Variants in INPP4B observed in about 807,000 individuals in gnomAD.
INPP4B encodes the protein inositol polyphosphate-4-phosphatase type II B.
A neutral mutation model predicts 122.5 loss-of-function variants in INPP4B; 55 were observed. The observed-to-expected ratio is 0.45, with a 90% CI of 0.36 to 0.56. The LOEUF is 0.56. Among genes scored for constraint, INPP4B ranks in the 20% least tolerant of loss-of-function variants. INPP4B has a pLI of 0.00. For missense variants in INPP4B, 1,000 were observed against 1,097.7 expected (o/e 0.91, Z 1.26); for synonymous variants, 403 against 388.7 (o/e 1.04, Z -0.43).
intron 25 of INPP4B, among the ~76,000 whole-genome samples, chr4:142,061,881 CACACATATATATATATATATATATATAT>C (rs1351091619): frequency 1.2e-4 from 1 of 8,098 alleles, no homozygotes; most frequent in African/African-American, 2.2e-4. Flanking sequence ...CACACACACA[CACACATATATATATATATATATATATAT>C]ATATATATAT....
At chr4:142,158,315 A>C (rs373781664) in intron 17 of INPP4B, among the ~76,000 whole-genome samples, 1 of 152,042 alleles carries the variant, frequency 6.6e-6, no homozygotes, top group Non-Finnish European at 1.5e-5. Context: ...TCCCATGTAC[A>C]TCTCTAAGGC....
At chr4:142,171,739 C>T (rs1161274806) in intron 16 of INPP4B, among the ~76,000 whole-genome samples, 1 of 151,732 alleles carries the variant, frequency 6.6e-6, no homozygotes, top group African/African-American at 2.4e-5. Context: ...ATTTATTAGT[C>T]GACTAAGCTT....
chr4:142,452,767 C>T (rs1448872438), intron 3 of INPP4B, among the ~76,000 whole-genome samples: 3 of 152,082 alleles, frequency 2.0e-5, no homozygotes, highest in African/African-American at 4.8e-5. Context: ...AGGATGTTCT[C>T]AAAAAGACAA....
chr4:142,527,559 G>A (rs191474855), intron 2 of INPP4B, among the ~76,000 whole-genome samples: 115 of 152,066 alleles, frequency 7.6e-4, no homozygotes, highest in Admixed American at 1.4e-3. Flanking sequence ...TAATTATAGC[G>A]AGAATTTCAA....
chr4:142,330,518 C>G (rs1347634404), intron 7 of INPP4B, among the ~76,000 whole-genome samples: 2 of 152,176 alleles, frequency 1.3e-5, no homozygotes, highest in African/African-American at 2.4e-5. Flanking sequence ...TGCATACACA[C>G]ACGCATATGT....
At chr4:142,217,768 G>A (rs573585078) in intron 12 of INPP4B, among the ~76,000 whole-genome samples, 1 of 152,248 alleles carries the variant, frequency 6.6e-6, no homozygotes, top group Admixed American at 6.5e-5. Flanking sequence ...AAGGCCCACT[G>A]CCCTCTCTAA....
chr4:142,560,401 G>A (rs987560010), intron 2 of INPP4B: 54 of 152,296 alleles, frequency 3.5e-4, no homozygotes, highest in African/African-American at 1.3e-3. Flanking sequence ...TAGAGGGACA[G>A]AACTAATAGG....
intron 7 of INPP4B, among the ~76,000 whole-genome samples, chr4:142,324,813 C>T (rs930481812): frequency 8.5e-5 from 13 of 152,172 alleles, no homozygotes; most frequent in African/African-American, 2.4e-4. Flanking sequence ...GTTCTCCAGC[C>T]TTCTGCAAAG....
At chr4:142,593,101 T>G (rs1183227783) in intron 2 of INPP4B, among the ~76,000 whole-genome samples, 5 of 149,096 alleles carry the variant, frequency 3.4e-5, no homozygotes, top group African/African-American at 1.2e-4. Flanking sequence ...GAGATCCTGT[T>G]TTTAAAAAAA....
At chr4:142,139,340 A>C (rs2152821560) in intron 18 of INPP4B, among the ~76,000 whole-genome samples, 1 of 152,150 alleles carries the variant, frequency 6.6e-6, no homozygotes, top group South Asian at 2.1e-4. Context: ...ATAGAGTCTC[A>C]CTGTCACCCA....
rs189719705 is a variant in INPP4B at position 142,464,439 on chromosome 4, T to C, written c.-190-1713A>G. ...TAAAATTTTCTCATTCATATTATCA[T>C]ATGTCTCTCATCATTCTGTATTGTT... On this transcript the variant is annotated intron_variant, in intron 2 of 25. Transcript: ENST00000262992. 3.9e-3 allele frequency among the ~76,000 whole-genome samples: 595 copies of C among 152,220 alleles called. 1 individual carries two copies. Among genetic ancestry groups the C allele is most frequent in the Middle Eastern group, 6.8e-3 (2 of 294 alleles).
At chr4:142,781,958 C>T (rs1007319756) in intron 1 of INPP4B, among the ~76,000 whole-genome samples, 1 of 150,230 alleles carries the variant, frequency 6.7e-6, no homozygotes, top group Non-Finnish European at 1.5e-5. Context: ...TCTTGCTAAC[C>T]TTTTATTTTT....
intron 25 of INPP4B, among the ~76,000 whole-genome samples, chr4:142,069,725 A>G (rs1765864555): frequency 6.6e-6 from 1 of 152,224 alleles, no homozygotes; most frequent in South Asian, 2.1e-4. Context: ...AATAAACTAG[A>G]AAATCTAGAA....
intron 2 of INPP4B, among the ~76,000 whole-genome samples, chr4:142,659,594 G>A (rs1264820135): frequency 6.6e-6 from 1 of 152,138 alleles, no homozygotes; most frequent in Non-Finnish European, 1.5e-5. Context: ...GATGGGTGAT[G>A]TAGAAATCCT....
chr4:142,604,806 C>G (rs138419051), intron 2 of INPP4B, among the ~76,000 whole-genome samples: 374 of 152,064 alleles, frequency 2.5e-3, no homozygotes, highest in African/African-American at 8.3e-3. Flanking sequence ...AAGCCATCTA[C>G]AAATTCAATG....
chr4:142,227,492 A>C (rs2149791369), intron 12 of INPP4B, among the ~76,000 whole-genome samples: 1 of 152,334 alleles, frequency 6.6e-6, no homozygotes, highest in Non-Finnish European at 1.5e-5. Flanking sequence ...GATAATTTTA[A>C]GTTAATGAAA....
At chr4:142,350,378 C>G (rs1781582285) in intron 7 of INPP4B, among the ~76,000 whole-genome samples, 1 of 151,920 alleles carries the variant, frequency 6.6e-6, no homozygotes, top group African/African-American at 2.4e-5. Flanking sequence ...TATTCAACCT[C>G]TCTCTTCTTG....
intron 25 of INPP4B, among the ~76,000 whole-genome samples, chr4:142,072,090 A>T (rs975078903): frequency 1.3e-4 from 20 of 152,192 alleles, no homozygotes; most frequent in African/African-American, 4.6e-4. Context: ...ACCAACCCAA[A>T]AGTCCATCAA....
intron 5 of INPP4B, among the ~76,000 whole-genome samples, chr4:142,428,132 T>C (rs1808506730): frequency 6.6e-6 from 1 of 151,532 alleles, no homozygotes; most frequent in Non-Finnish European, 1.5e-5. Flanking sequence ...TCTCAATAAG[T>C]CATATTTTAA....
Sources: gnomAD v4.1 joint callset for allele counts (sites outside exome capture counted in the v4.1 genomes callset) on GRCh38, gnomAD v4.1.1 for gene constraint, MANE v1.5 for transcripts, NCBI Gene and HGNC (gene_info 2026-07-23, HGNC 2026-07-21) for gene names.